The following NOS1 variants were observed in gnomAD, a reference collection of about 807,000 sequenced individuals.
NOS1 encodes nitric oxide synthase 1.
In NOS1, 51 loss-of-function variants were observed where a neutral mutation model predicts 164.5. That is an observed-to-expected ratio of 0.31 (90% confidence interval 0.25 to 0.39). The LOEUF (loss-of-function observed/expected upper bound fraction) is 0.39, where lower values mean the gene tolerates loss of function less well. NOS1 is among the 10% of genes least tolerant of loss of function. The pLI is 1.00. For missense variants in NOS1, 1,362 were observed against 1,885.6 expected, an observed-to-expected ratio of 0.72 and a Z score of 5.14; for synonymous variants, 719 against 745.8, an observed-to-expected ratio of 0.96 and a Z score of 0.59.
At position 117,330,753 on chromosome 12, in the gene NOS1, T is replaced by C. The variant is rs576405480; in HGVS notation, c.317A>G (p.His106Arg). Residue 106 changes from histidine to arginine, a missense_variant, in exon 2 of 29, where the codon CAC (histidine) becomes CGC (arginine). Coordinates refer to ENST00000317775, the MANE Select transcript of NOS1 (RefSeq NM_000620.5). This position sits in a 1 kb window ranked among gnomAD's most constrained non-coding sequence, Gnocchi z 4.6. ...ATCACCTGTAAAGGTGGTCTCCAGGTGCGTGGTGAAACCTTCAGGGCCCCT... is the reference window on the plus strand; with the variant it reads ...ATCACCTGTAAAGGTGGTCTCCAGGCGCGTGGTGAAACCTTCAGGGCCCCT... ...ILRGPEGFTT[H>R]LETTFTGDGT... The C allele has an allele frequency of 6.2e-7, 1 of 1,613,972 alleles. No individual in the cohort carries two copies. The highest frequency in any genetic ancestry group is 1.1e-5 in the South Asian group (1 of 91,072).
intron 16 of NOS1, among the ~76,000 whole-genome samples, chr12:117,257,060 G>A (rs576508304): frequency 2.0e-5 from 3 of 152,132 alleles, no homozygotes; most frequent in South Asian, 2.1e-4. Flanking sequence ...TGATAACAGC[G>A]AAACTTCATC....
At chr12:117,262,514 G>GGAGAGA (rs879291334) in intron 13 of NOS1, among the ~76,000 whole-genome samples, 1 of 146,332 alleles carries the variant, frequency 6.8e-6, no homozygotes, top group African/African-American at 2.6e-5. Flanking sequence ...AGAAGAGAGA[G>GGAGAGA]GAGAGAGAGA....
rs1206444578 is a variant in NOS1, at chr12:117,232,356, TACATGA to T, written c.3236-231_3236-226del. ...AAATGAATCCAAAAATTAAGAAAAA[TACATGA>T]AGAGAGGAGAAAAATACTAAAATAG... On this transcript the variant is annotated intron_variant, in intron 21 of 28. Coordinates refer to ENST00000317775, the MANE Select transcript of NOS1 (RefSeq NM_000620.5). Among the ~76,000 whole-genome samples the T allele has an allele frequency of 3.4e-4, 51 of 151,832 alleles. 1 individual carries two copies. The highest frequency in any genetic ancestry group is 6.8e-3 in the Middle Eastern group (2 of 294).
At position 117,210,812 on chromosome 12, in the gene NOS1, G is replaced by A. The variant is rs576487830; in HGVS notation, c.*4497C>T. On this transcript the variant is annotated 3_prime_UTR_variant, in exon 29 of 29. Coordinates refer to ENST00000317775, the MANE Select transcript of NOS1 (RefSeq NM_000620.5). The stretch of plus-strand genomic sequence containing the variant: ...GTCAGTTTTCCCTCCGGGCATCTGG[G>A]CATGGCTGGACTTGGGAAGGATTCA... 3.1e-5 allele frequency: 31 copies of A among 985,400 alleles called. No homozygotes were observed. In the South Asian group the frequency reaches 1.3e-3, roughly 40 times the overall value. The allele number at this position is 985,400 out of a possible 1,614,324, so 61.0% of individuals were successfully genotyped here.
At chr12:117,300,082 G>A (rs554757019) in intron 3 of NOS1, among the ~76,000 whole-genome samples, 1 of 152,222 alleles carries the variant, frequency 6.6e-6, no homozygotes, top group African/African-American at 2.4e-5. Context: ...TTTGGCCCTT[G>A]TATCTTAGAA....
chr12:117,325,510 G>A (rs1875199770), intron 2 of NOS1, among the ~76,000 whole-genome samples: 1 of 152,108 alleles, frequency 6.6e-6, no homozygotes, highest in Non-Finnish European at 1.5e-5. Flanking sequence ...GCAACGCCAG[G>A]AACATGAAGG....
At chr12:117,277,262 A>C (rs1360885848) in intron 9 of NOS1, among the ~76,000 whole-genome samples, 1 of 151,752 alleles carries the variant, frequency 6.6e-6, no homozygotes, top group African/African-American at 2.4e-5. Flanking sequence ...TGATCATCAG[A>C]TCCTATAGAG....
In NOS1 at chr12:117,275,202, T is replaced by TA. The variant is rs199732402; in HGVS notation, c.1665-2644dup. ...ACCCACAAAAATTAAAAGTAATAAT[T>TA]AAAAAAAAACTCTACCAGGTCTGGT... is the stretch of plus-strand genomic sequence containing the variant. On this transcript the variant is annotated intron_variant, in intron 9 of 28. Coordinates refer to ENST00000317775, the MANE Select transcript of NOS1 (RefSeq NM_000620.5). Among the ~76,000 whole-genome samples, 552 of 149,760 alleles carry TA rather than the reference T, an allele frequency of 3.7e-3. 6 individuals are homozygous for TA. Among genetic ancestry groups the TA allele is most frequent in the African/African-American group, 0.013 (522 of 40,772 alleles).
chr12:117,351,045 C>T (rs1266915336), intron 1 of NOS1, among the ~76,000 whole-genome samples: 1 of 152,026 alleles, frequency 6.6e-6, no homozygotes, highest in Non-Finnish European at 1.5e-5. Context: ...ACCCGGGAGG[C>T]GGAGCTTGCA....
In NOS1 at chr12:117,213,014, C is replaced by A. The variant is rs941232371; in HGVS notation, c.*2295G>T. The A allele has an allele frequency of 1.6e-5, 16 of 985,314 alleles. No homozygotes were observed. Among genetic ancestry groups the A allele is most frequent in the African/African-American group, 1.7e-5 (1 of 57,240 alleles). 61.0% of individuals were successfully genotyped at this position (985,314 alleles called of 1,614,324 possible). On this transcript the variant is annotated 3_prime_UTR_variant, in exon 29 of 29. Transcript: ENST00000317775. ...GAAGGATGAATCCTGGTTTTATAAT[C>A]ATTTCTTTGGACTCCTTGACAAAAT...
At chr12:117,262,895 A>C (rs1218355914) in intron 13 of NOS1, among the ~76,000 whole-genome samples, 1 of 152,060 alleles carries the variant, frequency 6.6e-6, no homozygotes, top group East Asian at 1.9e-4. Flanking sequence ...CTCAGGCCAT[A>C]ACCCCCTTCC....
chr12:117,305,362 G>A (rs1386319434), intron 3 of NOS1, among the ~76,000 whole-genome samples: 2 of 152,052 alleles, frequency 1.3e-5, no homozygotes, highest in Non-Finnish European at 2.9e-5. Flanking sequence ...TACTCGGGAG[G>A]CTGAGGCAGA....
At chr12:117,292,315 G>A (rs1048535478) in intron 3 of NOS1, among the ~76,000 whole-genome samples, 2 of 152,200 alleles carry the variant, frequency 1.3e-5, no homozygotes, top group African/African-American at 2.4e-5. Flanking sequence ...ACATGGGAAT[G>A]AACTTGTTAA....
At chr12:117,349,025 A>C (rs187614260) in intron 1 of NOS1, among the ~76,000 whole-genome samples, 15 of 152,370 alleles carry the variant, frequency 9.8e-5, no homozygotes, top group Non-Finnish European at 1.3e-4. Context: ...GGTATAAAGA[A>C]ACTCGTTGTA....
chr12:117,330,422 G>A lies in NOS1; in HGVS notation c.648C>T (p.Leu216=), dbSNP rs754691517. 1.2e-6 allele frequency: 2 copies of A among 1,614,192 alleles called. No homozygotes were observed. Among genetic ancestry groups the A allele is most frequent in the South Asian group, 1.1e-5 (1 of 91,084 alleles). ...LKEIEPVLSL[L]TSGSRGVKGG... The stretch of plus-strand genomic sequence containing the variant: ...CCTTGACCCCTCTGCTCCCACTGGT[G>A]AGAAGGCTCAGCACAGGCTCTATCT... The change falls in exon 2 of 29, where the codon CTC becomes CTT. Residue 216 remains leucine (L), a synonymous_variant. Transcript: ENST00000317775. The surrounding 1 kb of genome is among the most constrained non-coding windows in gnomAD (Gnocchi z 4.6).
At chr12:117,223,012 C>CGCAT in intron 25 of NOS1, 149 bp from the exon 26 acceptor site, 3 of 799,566 alleles carry the variant, frequency 3.8e-6, no homozygotes, top group Non-Finnish European at 6.0e-6. Flanking sequence ...TATGCGTGCA[C>CGCAT]ACACATGTAC....
intron 1 of NOS1, among the ~76,000 whole-genome samples, chr12:117,334,549 C>T (rs1280891886): frequency 1.3e-5 from 2 of 152,066 alleles, no homozygotes; most frequent in African/African-American, 4.8e-5. Flanking sequence ...GCTCCCGCCA[C>T]CACACCTGGC....
Position 117,243,369 on chromosome 12 carries a change from T to C in NOS1, c.2890A>G (p.Ser964Gly). 6.2e-7 allele frequency: 1 copy of C among 1,614,190 alleles called. No homozygotes were observed. Among genetic ancestry groups the C allele is most frequent in the Non-Finnish European group, 8.5e-7 (1 of 1,180,042 alleles). The change falls in exon 19 of 29, where the codon AGC (serine) becomes GGC (glycine). Residue 964 changes from serine to glycine, a missense_variant. By Grantham distance (56) the Ser-to-Gly change is moderately conservative. Coordinates refer to ENST00000317775, the MANE Select transcript of NOS1 (RefSeq NM_000620.5). The surrounding 1 kb of genome is among the most constrained non-coding windows in gnomAD (Gnocchi z 4.3). ...TTTCTCTTCCAGCTGCGATCATTGCTGATGAGGGAATTGTTGGCCTTTTCA... is the reference window on the plus strand; with the variant it reads ...TTTCTCTTCCAGCTGCGATCATTGCCGATGAGGGAATTGTTGGCCTTTTCA... ...NIEKANNSLI[S>G]NDRSWKRNKF...
intron 16 of NOS1, among the ~76,000 whole-genome samples, chr12:117,255,218 G>A (rs963934240): frequency 7.2e-5 from 11 of 151,952 alleles, no homozygotes; most frequent in Non-Finnish European, 1.5e-4. Context: ...CAATTTCTCC[G>A]TTTTCCTCCA....
Sources: gnomAD v4.1 joint callset for allele counts (sites outside exome capture counted in the v4.1 genomes callset) on GRCh38, gnomAD v4.1.1 for gene constraint, Gnocchi (gnomAD v3.1) non-coding constraint, MANE v1.5 for transcripts, NCBI Gene and HGNC (gene_info 2026-07-23, HGNC 2026-07-21) for gene names.